The following EFNA4 variants were observed in gnomAD, a reference collection of about 807,000 sequenced individuals.
EFNA4 encodes ephrin A4.
A neutral mutation model predicts 23.7 loss-of-function variants in EFNA4; 22 were observed. The observed-to-expected ratio is 0.93, with a 90% CI of 0.66 to 1.32. The LOEUF is 1.32. EFNA4 is among the 40% of genes most tolerant of loss of function. The pLI is 0.00. For missense variants in EFNA4, 252 were observed against 252.3 expected, an observed-to-expected ratio of 1.00 and a Z score of 0.01; for synonymous variants, 113 against 108.3, an observed-to-expected ratio of 1.04 and a Z score of -0.27.
chr1:155,065,307 G>A (rs1175844018), intron 1 of EFNA4, among the ~76,000 whole-genome samples: 1 of 152,130 alleles, frequency 6.6e-6, no homozygotes, highest in African/African-American at 2.4e-5. Flanking sequence ...GCTTCGCTGT[G>A]TTTGTGGTAT....
At position 155,066,940 on chromosome 1, in the gene EFNA4, C is replaced by T. The variant is rs1663064704; in HGVS notation, c.324C>T (p.Phe108=). 1.2e-6 allele frequency: 2 copies of T among 1,614,146 alleles called. No homozygotes were observed. The highest frequency in any genetic ancestry group is 1.7e-6 in the Non-Finnish European group (2 of 1,180,036). The part of the protein sequence containing the change: ...VCSLPFGHVQ[F]SEKIQRFTPF... The stretch of plus-strand genomic sequence containing the variant: ...CCCTGCCCTTTGGCCATGTTCAATT[C>T]TCAGAGAAGATTCAGCGCTTCACAC... Residue 108 remains phenylalanine (F), a synonymous_variant, in exon 2 of 4, where the codon TTC becomes TTT. Transcript: ENST00000368409.
rs1021875220 is a variant in EFNA4, at chr1:155,069,094, G to A, written c.*105G>A. On this transcript the variant is annotated 3_prime_UTR_variant, in exon 4 of 4. Transcript: ENST00000368409. ...TGCACTGGGGGTGCCAATTCAGACC[G>A]ACAAGATGGAGCATTGATGGGGGAG... The A allele has an allele frequency of 1.4e-5, 23 of 1,610,716 alleles. No individual in the cohort carries two copies. The highest frequency in any genetic ancestry group is 9.4e-5 in the African/African-American group (7 of 74,626).
chr1:155,066,958 C>T lies in EFNA4; in HGVS notation c.342C>T (p.Arg114=). The change falls in exon 2 of 4, where the codon CGC becomes CGT. Residue 114 remains arginine (R), a synonymous_variant. Transcript: ENST00000368409. ...TTCAATTCTCAGAGAAGATTCAGCGCTTCACACCCTTCTCCCTCGGCTTTG... is the reference window on the plus strand; with the variant it reads ...TTCAATTCTCAGAGAAGATTCAGCGTTTCACACCCTTCTCCCTCGGCTTTG... ...GHVQFSEKIQ[R]FTPFSLGFEF... 1 of 1,614,048 alleles carries T rather than the reference C, an allele frequency of 6.2e-7. No homozygotes were observed. The highest frequency in any genetic ancestry group is 8.5e-7 in the Non-Finnish European group (1 of 1,179,996).
Position 155,069,066 on chromosome 1 carries a change from G to C in EFNA4, c.*77G>C, listed in dbSNP as rs889300332. 5 of 1,612,058 alleles carry C rather than the reference G, an allele frequency of 3.1e-6. No individual in the cohort carries two copies. The African/African-American group carries it at 6.7e-5, about 22-fold the overall frequency. On this transcript the variant is annotated 3_prime_UTR_variant, in exon 4 of 4. Coordinates refer to ENST00000368409, the MANE Select transcript of EFNA4 (RefSeq NM_005227.3). ...CCCTGGAGGAGGAGGGATCCCTGCT[G>C]CCTGCACTGGGGGTGCCAATTCAGA...
At chr1:155,064,626 T>C (rs973798320) in intron 1 of EFNA4, among the ~76,000 whole-genome samples, 4 of 152,162 alleles carry the variant, frequency 2.6e-5, no homozygotes, top group Non-Finnish European at 4.4e-5. Flanking sequence ...TTTCTTTCTC[T>C]CTCCTGAGCT....
Position 155,069,145 on chromosome 1 carries a change from C to A in EFNA4, c.*156C>A, listed in dbSNP as rs779905284. ...ATCAGAGGGTCTGAGGTGACTCTTG[C>A]AGGAGCCTGTCCCCTCATCACAGGC... On this transcript the variant is annotated 3_prime_UTR_variant, in exon 4 of 4. Coordinates refer to ENST00000368409, the MANE Select transcript of EFNA4 (RefSeq NM_005227.3). The A allele has an allele frequency of 1.2e-6, 2 of 1,609,898 alleles. No homozygotes were observed. Among genetic ancestry groups the A allele is most frequent in the African/African-American group, 2.7e-5 (2 of 74,488 alleles).
In EFNA4 at chr1:155,067,031, G is replaced by A; in HGVS notation, c.400+15G>A. The A allele has an allele frequency of 6.3e-7, 1 of 1,591,348 alleles. No homozygotes were observed. ...CTACTACATCTGTGAGTGGCCAAGG[G>A]CACACTGGACACCTCTTGTGTACCA... is the stretch of plus-strand genomic sequence containing the variant. On this transcript the variant is annotated intron_variant, in intron 2 of 3. Transcript: ENST00000368409.
intron 2 of EFNA4, 72 bp downstream of exon 2, chr1:155,067,088 AAGG>A: frequency 1.3e-6 from 2 of 1,517,958 alleles, no homozygotes; most frequent in Non-Finnish European, 1.8e-6. Flanking sequence ...AGAGGCCTGG[AAGG>A]AGGAGGGGGC....
In EFNA4 at chr1:155,067,281, G is replaced by A; in HGVS notation, c.401-91G>A. 2.0e-6 allele frequency: 3 copies of A among 1,476,508 alleles called. No homozygotes were observed. In the South Asian group the frequency reaches 3.5e-5, roughly 17 times the overall value. The allele number at this position is 1,476,508 out of a possible 1,614,324, so 91.5% of individuals were successfully genotyped here. ...AGGAAACGCTTTCCAGGGACCTGGAGAGAAGAAAACCTGGGAGGGTCTGAA... is the reference window on the plus strand; with the variant it reads ...AGGAAACGCTTTCCAGGGACCTGGAAAGAAGAAAACCTGGGAGGGTCTGAA... On this transcript the variant is annotated intron_variant, in intron 2 of 3. Transcript: ENST00000368409.
rs199947288 is a variant in EFNA4 at position 155,069,001 on chromosome 1, C to T, written c.*12C>T. On this transcript the variant is annotated 3_prime_UTR_variant, in exon 4 of 4. Transcript: ENST00000368409. ...TGCGAATTCTGTGAGCCAAGCAGACCTTCCCTCTCATCCCAAGGAGCCAGA... is the reference window on the plus strand; with the variant it reads ...TGCGAATTCTGTGAGCCAAGCAGACTTTCCCTCTCATCCCAAGGAGCCAGA... The T allele has an allele frequency of 6.0e-5, 97 of 1,613,654 alleles. No homozygotes were observed. The East Asian group carries it at 2.1e-3, about 35-fold the overall frequency.
intron 1 of EFNA4, among the ~76,000 whole-genome samples, chr1:155,064,748 T>A (rs2102440091): frequency 6.6e-6 from 1 of 152,362 alleles, no homozygotes; most frequent in East Asian, 1.9e-4. Flanking sequence ...TGAGACAATC[T>A]GTGACTATTC....
Position 155,069,513 on chromosome 1 carries a change from A to C in EFNA4, c.*524A>C. On this transcript the variant is annotated 3_prime_UTR_variant, in exon 4 of 4. Coordinates refer to ENST00000368409, the MANE Select transcript of EFNA4 (RefSeq NM_005227.3). The stretch of plus-strand genomic sequence containing the variant: ...TGTATTTTTATAAGTATCTAGACCA[A>C]ACCTTCAATAAACCACTCATCTTTT... The C allele has an allele frequency of 4.2e-6, 1 of 240,476 alleles. No homozygotes were observed. Among genetic ancestry groups the C allele is most frequent in the Non-Finnish European group, 8.0e-6 (1 of 125,708 alleles). 14.9% of individuals were successfully genotyped at this position (240,476 alleles called of 1,614,324 possible).
chr1:155,066,210 G>A (rs1325655154), intron 1 of EFNA4, among the ~76,000 whole-genome samples: 4 of 152,092 alleles, frequency 2.6e-5, no homozygotes, highest in South Asian at 2.1e-4. Context: ...TCACCCTTGG[G>A]TTGAAGTCAG....
chr1:155,069,314 GC>G lies in EFNA4; in HGVS notation c.*328del. On this transcript the variant is annotated 3_prime_UTR_variant, in exon 4 of 4. Transcript: ENST00000368409. ...GATCAAATCCTCAAGCCAGCTGGGG[GC>G]CCAGGCTGAAGACCTGGGGACAGGT... The G allele has an allele frequency of 1.0e-6, 1 of 1,002,012 alleles. No individual in the cohort carries two copies. The highest frequency in any genetic ancestry group is 1.4e-6 in the Non-Finnish European group (1 of 715,898). The allele number at this position is 1,002,012 out of a possible 1,614,324, so 62.1% of individuals were successfully genotyped here.
intron 1 of EFNA4, 72 bp from the exon 2 acceptor site, chr1:155,066,658 G>T: frequency 6.7e-7 from 1 of 1,500,978 alleles, no homozygotes. Context: ...TCTGAGAAGG[G>T]GTGTCTCTGG....
At position 155,066,669 on chromosome 1, in the gene EFNA4, C is replaced by T. The variant is rs1663052376; in HGVS notation, c.114-61C>T. 4.0e-6 allele frequency: 6 copies of T among 1,509,202 alleles called. No homozygotes were observed. In the South Asian group the frequency reaches 4.1e-5, roughly 10 times the overall value. 93.5% of individuals were successfully genotyped at this position (1,509,202 alleles called of 1,614,324 possible). A position where few individuals can be genotyped will look rare whatever the true frequency, so the allele number is the denominator to read the frequency against. On this transcript the variant is annotated intron_variant, in intron 1 of 3. Coordinates refer to ENST00000368409, the MANE Select transcript of EFNA4 (RefSeq NM_005227.3). ...GGCCTCTGAGAAGGGGTGTCTCTGG[C>T]ATCCATGGCCATGGCGTGGTGCCCT...
intron 1 of EFNA4, 39 bp from the exon 2 acceptor site, chr1:155,066,691 C>T: frequency 6.5e-7 from 1 of 1,527,108 alleles, no homozygotes. Flanking sequence ...TGGCGTGGTG[C>T]CCTCCACTCC....
At chr1:155,067,126 G>A in intron 2 of EFNA4, 110 bp downstream of exon 2, 1 of 1,357,884 alleles carries the variant, frequency 7.4e-7, no homozygotes, top group Non-Finnish European at 1.0e-6. Context: ...ACATCGGGTT[G>A]AGGTATGGGC....
In EFNA4 at chr1:155,068,427, ATTTTTTTTTTTTTTTTT is replaced by A. The variant is rs71077978; in HGVS notation, c.470-408_470-392del. ...ACTACAGGTGTGTGCCACCCAGCTG[ATTTTTTTTTTTTTTTTT>A]TTTTTTTTTTTTTTTTTAGTAGAGA... On this transcript the variant is annotated intron_variant, in intron 3 of 3. Transcript: ENST00000368409. 2.0e-3 allele frequency among the ~76,000 whole-genome samples: 50 copies of A among 25,378 alleles called. 4 individuals are homozygous for A. The highest frequency in any genetic ancestry group is 0.062 in the Middle Eastern group (2 of 32). The allele number at this position is 25,378 out of a possible 152,430, so 16.6% of individuals were successfully genotyped here.
Sources: allele counts gnomAD v4.1 joint callset (sites outside exome capture counted in the v4.1 genomes callset), GRCh38; gene constraint gnomAD v4.1.1; transcripts MANE v1.5; gene names NCBI Gene and HGNC (gene_info 2026-07-23, HGNC 2026-07-21).